The following PAX8 variants were observed in gnomAD, a reference collection of about 807,000 sequenced individuals.
The protein encoded by PAX8 is paired box 8.
PAX8 carries 15 observed loss-of-function variants against 52.4 expected under a neutral mutation model. The ratio of observed to expected loss-of-function variants is 0.29; its 90% CI spans 0.19 to 0.44. PAX8 has a LOEUF of 0.44. Ranked by LOEUF, PAX8 falls within the 20% of genes least tolerant of loss-of-function variation. The pLI, the probability that PAX8 is intolerant of heterozygous loss-of-function variation, is 1.00. For missense variants in PAX8, 554 were observed against 602.5 expected (o/e 0.92, Z 0.84); for synonymous variants, 284 against 249.7 (o/e 1.14, Z -1.29).
At chr2:113,256,570 C>CTA (rs201678209) in intron 2 of PAX8, among the ~76,000 whole-genome samples, 2,841 of 137,528 alleles carry the variant, frequency 0.021, 87 homozygotes, top group African/African-American at 0.079. Flanking sequence ...TTCTATTATT[C>CTA]TATATATATA....
At chr2:113,250,521 A>C (rs1691682102) in intron 2 of PAX8, among the ~76,000 whole-genome samples, 1 of 152,176 alleles carries the variant, frequency 6.6e-6, no homozygotes, top group Non-Finnish European at 1.5e-5. Context: ...CTGAATCAGT[A>C]GGTCTGGGAT....
At chr2:113,268,993 A>G (rs942995057) in intron 2 of PAX8, 9 of 152,210 alleles carry the variant, frequency 5.9e-5, no homozygotes, top group Non-Finnish European at 1.3e-4. Flanking sequence ...CCTTCCTGGT[A>G]TGGGGTACTG....
At chr2:113,266,515 T>TACTGATGGA (rs1400437730) in intron 2 of PAX8, 1 of 152,232 alleles carries the variant, frequency 6.6e-6, no homozygotes, top group Non-Finnish European at 1.5e-5. Flanking sequence ...CTGGGGATCC[T>TACTGATGGA]ACTGATGGAT....
chr2:113,250,332 T>C (rs1691667995), intron 2 of PAX8, among the ~76,000 whole-genome samples: 1 of 151,302 alleles, frequency 6.6e-6, no homozygotes. Flanking sequence ...GATAAACAAA[T>C]CTTGCTATAA....
chr2:113,276,630 G>A (rs1693831564), intron 2 of PAX8: 1 of 148,802 alleles, frequency 6.7e-6, no homozygotes. Context: ...CTATTCTAAC[G>A]AGTACTTCTA....
chr2:113,220,747 G>C (rs528736538), intron 10 of PAX8, among the ~76,000 whole-genome samples: 43 of 152,274 alleles, frequency 2.8e-4, no homozygotes, highest in African/African-American at 8.7e-4. Flanking sequence ...GAGGTGTGAG[G>C]GTTAAGGATG....
At chr2:113,278,529 G>GC (rs912036984) in intron 1 of PAX8, 60 bp from the exon 2 acceptor site, 9 of 1,374,808 alleles carry the variant, frequency 6.5e-6, no homozygotes, top group Non-Finnish European at 9.0e-6. Context: ...GCATCCTCAG[G>GC]CCCCCTCCCC....
chr2:113,218,918 G>T (rs773184365), intron 11 of PAX8, among the ~76,000 whole-genome samples: 12 of 152,208 alleles, frequency 7.9e-5, no homozygotes, highest in Non-Finnish European at 1.3e-4. Context: ...GAACCCCAAA[G>T]AATCAAGTGC....
chr2:113,224,827 AAT>A (rs869068552), intron 10 of PAX8, among the ~76,000 whole-genome samples: 172 of 144,178 alleles, frequency 1.2e-3, no homozygotes, highest in Middle Eastern at 3.5e-3. Flanking sequence ...AAAAAAATAA[AAT>A]AAAATAAAAT....
At chr2:113,224,277 T>C (rs2104423379) in intron 10 of PAX8, among the ~76,000 whole-genome samples, 1 of 152,190 alleles carries the variant, frequency 6.6e-6, no homozygotes, top group South Asian at 2.1e-4. Flanking sequence ...CCAGGCACAG[T>C]GACTCACACC....
Position 113,244,609 on chromosome 2 carries a change from G to A in PAX8, c.207C>T (p.Gly69=). Residue 69 remains glycine (G), a synonymous_variant, in exon 4 of 12, where the codon GGC becomes GGT. Coordinates refer to ENST00000429538, the MANE Select transcript of PAX8 (RefSeq NM_003466.4). ...SKILGRYYET[G]SIRPGVIGGS... ...CCCCTATCACTCCAGGCCGGATGCTGCCAGTCTCGTAGTACCTACTCCAAT... is the reference window on the plus strand; with the variant it reads ...CCCCTATCACTCCAGGCCGGATGCTACCAGTCTCGTAGTACCTACTCCAAT... 5 of 1,614,112 alleles carry A rather than the reference G, an allele frequency of 3.1e-6. No homozygotes were observed. Among genetic ancestry groups the A allele is most frequent in the Non-Finnish European group, 3.4e-6 (4 of 1,179,960 alleles).
chr2:113,231,393 A>G (rs1203742397), intron 9 of PAX8, among the ~76,000 whole-genome samples: 1 of 152,230 alleles, frequency 6.6e-6, no homozygotes, highest in African/African-American at 2.4e-5. Context: ...CAGCAATGTT[A>G]GGGGCACTCT....
intron 2 of PAX8, chr2:113,274,676 G>T (rs1419542658): frequency 2.0e-5 from 3 of 152,148 alleles, no homozygotes; most frequent in African/African-American, 7.2e-5. Context: ...TGTAAGTAAA[G>T]TTTCACCTTT....
At chr2:113,250,016 C>T (rs928341319) in intron 2 of PAX8, among the ~76,000 whole-genome samples, 3 of 151,708 alleles carry the variant, frequency 2.0e-5, no homozygotes, top group Non-Finnish European at 4.4e-5. Context: ...GCCTGTAATC[C>T]CAGCACTTTG....
chr2:113,241,918 A>G (rs1342744333), intron 6 of PAX8, 90 bp downstream of exon 6: 57 of 1,526,586 alleles, frequency 3.7e-5, no homozygotes, highest in Non-Finnish European at 5.1e-5. Context: ...ACAAAGTCCC[A>G]TATCATAAGT....
intron 2 of PAX8, among the ~76,000 whole-genome samples, chr2:113,260,718 T>G (rs1344946839): frequency 6.6e-6 from 1 of 152,164 alleles, no homozygotes; most frequent in African/African-American, 2.4e-5. Flanking sequence ...TTGAACTAAA[T>G]GACCTCTAAG....
chr2:113,264,763 G>A (rs1012441032), intron 2 of PAX8, among the ~76,000 whole-genome samples: 25 of 152,198 alleles, frequency 1.6e-4, no homozygotes, highest in Non-Finnish European at 3.5e-4. Context: ...AAAGGTAAAG[G>A]GTGTCTAAAA....
In PAX8 at chr2:113,242,098, G is replaced by T. The variant is rs1558714970; in HGVS notation, c.511C>A (p.Pro171Thr). The change falls in exon 6 of 12, where the codon CCC (proline) becomes ACC (threonine). Residue 171 changes from proline (P) to threonine (T), a missense_variant. Around this residue, in one of 2 missense-constraint regions of PAX8, gnomAD observed 445 missense variants for 409.9 expected, o/e 1.09. Transcript: ENST00000429538. ...PSSAVTPPES[P>T]QSDSLGSTYS... is the part of the protein sequence containing the mutation. ...GTGGAGCCCAGGGAATCCGACTGGG[G>T]TGACTCCGGGGGAGTTACAGCTGAG... 6.2e-7 allele frequency: 1 copy of T among 1,613,694 alleles called. No individual in the cohort carries two copies. Among genetic ancestry groups the T allele is most frequent in the Non-Finnish European group, 8.5e-7 (1 of 1,179,704 alleles).
chr2:113,242,745 G>A lies in PAX8; in HGVS notation c.423C>T (p.Asn141=). Residue 141 remains asparagine (N), a synonymous_variant, in exon 5 of 12, where the codon AAC becomes AAT. Coordinates refer to ENST00000429538, the MANE Select transcript of PAX8 (RefSeq NM_003466.4). The part of the protein sequence containing the change: ...IIRTKVQQPF[N]LPMDSCVATK... The stretch of plus-strand genomic sequence containing the variant: ...TGGCCACGCAGCTGTCCATAGGGAG[G>A]TTGAATGGTTGCTGCACTTTGGTCC... 6.2e-7 allele frequency: 1 copy of A among 1,613,982 alleles called. No homozygotes were observed. The highest frequency in any genetic ancestry group is 8.5e-7 in the Non-Finnish European group (1 of 1,179,866).
Sources: gnomAD v4.1 joint callset for allele counts (sites outside exome capture counted in the v4.1 genomes callset) on GRCh38, gnomAD v4.1.1 for gene constraint, gnomAD v4.1.1 regional missense constraint, MANE v1.5 for transcripts, NCBI Gene and HGNC (gene_info 2026-07-23, HGNC 2026-07-21) for gene names.